Variants in CAMSAP1 observed in about 807,000 individuals in gnomAD.
The protein encoded by CAMSAP1 is calmodulin regulated spectrin associated protein 1, also known as calmodulin-regulated spectrin-associated protein 1.
CAMSAP1 carries 58 observed loss-of-function variants against 143.5 expected under a neutral mutation model. That is an observed-to-expected ratio of 0.40 (90% CI 0.33 to 0.50). CAMSAP1 has a LOEUF of 0.50. Among genes scored for constraint, CAMSAP1 ranks in the 20% least tolerant of loss-of-function variants. The pLI, the probability that CAMSAP1 is intolerant of heterozygous loss-of-function variation, is 0.45. For missense variants in CAMSAP1, 1,969 were observed against 2,115.7 expected (o/e 0.93, Z 1.36); for synonymous variants, 945 against 859.3 (o/e 1.10, Z -1.74).
At chr9:135,869,154 C>T (rs1837484546) in intron 3 of CAMSAP1, among the ~76,000 whole-genome samples, 1 of 151,946 alleles carries the variant, frequency 6.6e-6, no homozygotes, top group South Asian at 2.1e-4. Flanking sequence ...AAGAACAATA[C>T]AACCATAAAA....
intron 7 of CAMSAP1, among the ~76,000 whole-genome samples, chr9:135,831,144 AGAGT>A (rs1307373224): frequency 1.3e-5 from 2 of 152,252 alleles, no homozygotes; most frequent in Non-Finnish European, 2.9e-5. Context: ...CCTGTGTGAC[AGAGT>A]GAGACTCCGT....
rs988023256 is a variant in CAMSAP1, at chr9:135,813,191, C to T, written c.4507-1580G>A. ...AATCTCAGGGTCAAGCCCTCGACCT[C>T]GAAAGGCTAAGGCCTCATCGCCTCT... On this transcript the variant is annotated intron_variant, in intron 16 of 16. Transcript: ENST00000389532. Among the ~76,000 whole-genome samples the T allele has an allele frequency of 1.2e-4, 19 of 152,180 alleles. 1 individual carries two copies. Among genetic ancestry groups the T allele is most frequent in the African/African-American group, 2.7e-4 (11 of 41,444 alleles).
At chr9:135,896,517 G>A (rs1838459489) in intron 1 of CAMSAP1, among the ~76,000 whole-genome samples, 1 of 152,066 alleles carries the variant, frequency 6.6e-6, no homozygotes, top group African/African-American at 2.4e-5. Flanking sequence ...CAACCAACTA[G>A]CAGAATACAA....
chr9:135,890,579 A>T (rs1323323847), intron 1 of CAMSAP1, among the ~76,000 whole-genome samples: 1 of 152,096 alleles, frequency 6.6e-6, no homozygotes, highest in Non-Finnish European at 1.5e-5. Flanking sequence ...CTGGGTGGGT[A>T]ACCTGAAGGG....
chr9:135,875,831 G>A (rs985595386), intron 3 of CAMSAP1, among the ~76,000 whole-genome samples: 3 of 152,278 alleles, frequency 2.0e-5, no homozygotes, highest in African/African-American at 4.8e-5. Context: ...ACAAAAAAAC[G>A]TCTAGAAGAA....
At chr9:135,896,340 A>G (rs1214576280) in intron 1 of CAMSAP1, among the ~76,000 whole-genome samples, 1 of 152,220 alleles carries the variant, frequency 6.6e-6, no homozygotes, top group Non-Finnish European at 1.5e-5. Flanking sequence ...AGAAAGACCT[A>G]AAAATCCTGA....
chr9:135,845,303 G>A (rs183025184), intron 7 of CAMSAP1, among the ~76,000 whole-genome samples: 6 of 152,222 alleles, frequency 3.9e-5, no homozygotes, highest in South Asian at 2.1e-4. Context: ...AAAGGCCTTC[G>A]ATAAAATTCA....
intron 3 of CAMSAP1, among the ~76,000 whole-genome samples, chr9:135,869,616 G>A (rs966717217): frequency 1.3e-5 from 2 of 151,732 alleles, no homozygotes; most frequent in African/African-American, 4.8e-5. Flanking sequence ...TGCTGTGGAA[G>A]ACAGTCTGGA....
intron 1 of CAMSAP1, among the ~76,000 whole-genome samples, chr9:135,896,514 C>G (rs1838459237): frequency 6.6e-6 from 1 of 152,154 alleles, no homozygotes; most frequent in Non-Finnish European, 1.5e-5. Flanking sequence ...ACACAACCAA[C>G]TAGCAGAATA....
intron 5 of CAMSAP1, 144 bp from the exon 6 acceptor site, chr9:135,850,605 C>T (rs1836741040): frequency 3.2e-6 from 2 of 625,500 alleles, no homozygotes; most frequent in African/African-American, 1.9e-5. Flanking sequence ...ATAGGATGTA[C>T]AACAAGTAAC....
chr9:135,813,415 T>A (rs1002358800), intron 16 of CAMSAP1, among the ~76,000 whole-genome samples: 1 of 152,256 alleles, frequency 6.6e-6, no homozygotes, highest in Non-Finnish European at 1.5e-5. Context: ...ACGTATTTTT[T>A]AAAAGAATCC....
In CAMSAP1 at chr9:135,830,514, C is replaced by A. The variant is rs187923160; in HGVS notation, c.1046-2930G>T. On this transcript the variant is annotated intron_variant, in intron 7 of 16. Transcript: ENST00000389532. ...GTAACAACTGTAAACATCTATGTAC[C>A]CACATCAGACCTAAATATATAAAGC... is the stretch of plus-strand genomic sequence containing the variant. 2.6e-3 allele frequency among the ~76,000 whole-genome samples: 396 copies of A among 152,314 alleles called. 1 individual carries two copies. The highest frequency in any genetic ancestry group is 3.8e-3 in the Non-Finnish European group (256 of 68,030).
At chr9:135,834,435 TATACAGAGAC>T (rs1400764989) in intron 7 of CAMSAP1, among the ~76,000 whole-genome samples, 1 of 152,178 alleles carries the variant, frequency 6.6e-6, no homozygotes, top group Admixed American at 6.5e-5. Context: ...GAAATTGTGA[TATACAGAGAC>T]ATACAATGGA....
chr9:135,836,753 T>C (rs1420419976), intron 7 of CAMSAP1: 1 of 953,880 alleles, frequency 1.0e-6, no homozygotes, highest in East Asian at 1.3e-4. Context: ...AGCCACACAT[T>C]GTCACGTACC....
intron 3 of CAMSAP1, among the ~76,000 whole-genome samples, chr9:135,869,323 C>T (rs761646025): frequency 3.3e-5 from 5 of 151,456 alleles, no homozygotes; most frequent in East Asian, 1.9e-4. Context: ...GGCAACATGA[C>T]GAAACCCTGT....
At chr9:135,874,687 T>C (rs1304882360) in intron 3 of CAMSAP1, among the ~76,000 whole-genome samples, 2 of 152,142 alleles carry the variant, frequency 1.3e-5, no homozygotes, top group East Asian at 3.8e-4. Flanking sequence ...AAAAAACCTT[T>C]ATAATTAAAA....
chr9:135,891,815 TA>T (rs1246853162), intron 1 of CAMSAP1, among the ~76,000 whole-genome samples: 1 of 152,108 alleles, frequency 6.6e-6, no homozygotes. Context: ...TACACTCTCT[TA>T]AAATATATGA....
At chr9:135,848,714 ACACTGCAC>A (rs1334610054) in intron 7 of CAMSAP1, among the ~76,000 whole-genome samples, 1 of 152,200 alleles carries the variant, frequency 6.6e-6, no homozygotes, top group Non-Finnish European at 1.5e-5. Flanking sequence ...TGGACATAGA[ACACTGCAC>A]CACTCTGACT....
At chr9:135,895,359 T>C (rs1310251204) in intron 1 of CAMSAP1, among the ~76,000 whole-genome samples, 2 of 152,100 alleles carry the variant, frequency 1.3e-5, no homozygotes, top group Non-Finnish European at 1.5e-5. Flanking sequence ...GTACGATACA[T>C]ACAAGGGAAC....
Sources: gnomAD v4.1 joint callset for allele counts (sites outside exome capture counted in the v4.1 genomes callset) on GRCh38, gnomAD v4.1.1 for gene constraint, MANE v1.5 for transcripts, NCBI Gene and HGNC (gene_info 2026-07-23, HGNC 2026-07-21) for gene names.